EPHA5: variants seen among roughly 807,000 people sequenced by gnomAD.
EPHA5 encodes ephrin type-A receptor 5.
In EPHA5, 60 loss-of-function variants were observed where a neutral mutation model predicts 105.0. That is an observed-to-expected ratio of 0.57 (90% confidence interval 0.46 to 0.71). The LOEUF is 0.71. Among genes scored for constraint, EPHA5 ranks in the 30% least tolerant of loss-of-function variants. EPHA5 has a pLI of 0.00. For missense variants in EPHA5, 1,218 were observed against 1,274.7 expected (o/e 0.96, Z 0.68); for synonymous variants, 513 against 449.1 (o/e 1.14, Z -1.80).
chr4:65,617,765 G>A (rs376077940), intron 2 of EPHA5, among the ~76,000 whole-genome samples: 14 of 152,222 alleles, frequency 9.2e-5, no homozygotes, highest in African/African-American at 3.4e-4. Context: ...TTATAGTGAA[G>A]AGAATTGAAT....
chr4:65,468,805 C>A (rs1321352669), intron 5 of EPHA5, among the ~76,000 whole-genome samples: 1 of 150,638 alleles, frequency 6.6e-6, no homozygotes, highest in East Asian at 1.9e-4. Flanking sequence ...TGAACTAACA[C>A]AAAATTACAC....
chr4:65,396,676 A>G (rs1204492003), intron 8 of EPHA5, among the ~76,000 whole-genome samples: 1 of 152,210 alleles, frequency 6.6e-6, no homozygotes, highest in Non-Finnish European at 1.5e-5. Context: ...TATTCATGAT[A>G]GAACAGGGAT....
chr4:65,629,853 A>G (rs1382542673), intron 2 of EPHA5, among the ~76,000 whole-genome samples: 1 of 152,146 alleles, frequency 6.6e-6, no homozygotes, highest in African/African-American at 2.4e-5. Flanking sequence ...AGCCCATTAC[A>G]ATATTTCATT....
intron 2 of EPHA5, among the ~76,000 whole-genome samples, chr4:65,640,415 A>G (rs1326678568): frequency 6.6e-6 from 1 of 150,926 alleles, no homozygotes; most frequent in Non-Finnish European, 1.5e-5. Flanking sequence ...CCTCCCGAGT[A>G]GCTGGGACTA....
intron 8 of EPHA5, among the ~76,000 whole-genome samples, chr4:65,371,018 A>G (rs1435892682): frequency 6.6e-6 from 1 of 152,136 alleles, no homozygotes; most frequent in Non-Finnish European, 1.5e-5. Flanking sequence ...ATTTTAACCA[A>G]TCAGAAAAAC....
intron 1 of EPHA5, among the ~76,000 whole-genome samples, chr4:65,656,909 G>A (rs995995226): frequency 3.3e-5 from 5 of 149,482 alleles, no homozygotes; most frequent in African/African-American, 1.2e-4. Context: ...GTGATATTTT[G>A]GATATATTTG....
intron 3 of EPHA5, among the ~76,000 whole-genome samples, chr4:65,516,871 G>C (rs1324985739): frequency 6.6e-6 from 1 of 152,006 alleles, no homozygotes; most frequent in African/African-American, 2.4e-5. Flanking sequence ...GACAACAATT[G>C]TTAATAATTT....
chr4:65,627,699 A>T (rs192327278), intron 2 of EPHA5, among the ~76,000 whole-genome samples: 1 of 152,222 alleles, frequency 6.6e-6, no homozygotes, highest in Non-Finnish European at 1.5e-5. Flanking sequence ...GAAAAATAAA[A>T]ATTAGCAAAA....
chr4:65,510,209 T>TCA (rs1733476684), intron 3 of EPHA5, among the ~76,000 whole-genome samples: 4 of 146,336 alleles, frequency 2.7e-5, no homozygotes, highest in Non-Finnish European at 4.5e-5. Context: ...TAATTTTGTG[T>TCA]TTTTTTTTTT....
At chr4:65,669,502 C>G in intron 1 of EPHA5, 60 bp downstream of exon 1, 1 of 1,300,894 alleles carries the variant, frequency 7.7e-7, no homozygotes, top group Admixed American at 3.7e-5. Context: ...ACCTGAACTC[C>G]CAGGCCCCGC....
At chr4:65,550,116 G>A (rs1737754238) in intron 3 of EPHA5, among the ~76,000 whole-genome samples, 1 of 151,486 alleles carries the variant, frequency 6.6e-6, no homozygotes, top group African/African-American at 2.4e-5. Flanking sequence ...TACATTATTT[G>A]TTAAATAATA....
chr4:65,330,550 A>T, intron 16 of EPHA5: 1 of 437,034 alleles, frequency 2.3e-6, no homozygotes, highest in Non-Finnish European at 3.1e-6. Flanking sequence ...ATAACAAAAG[A>T]GACATTGTTT....
At chr4:65,665,708 G>A (rs1749909442) in intron 1 of EPHA5, among the ~76,000 whole-genome samples, 1 of 152,078 alleles carries the variant, frequency 6.6e-6, no homozygotes, top group Non-Finnish European at 1.5e-5. Context: ...TGTCTTATAT[G>A]AGTAAATGAA....
chr4:65,489,088 G>A (rs1291667749), intron 5 of EPHA5, among the ~76,000 whole-genome samples: 1 of 151,690 alleles, frequency 6.6e-6, no homozygotes, highest in Non-Finnish European at 1.5e-5. Context: ...TAGTAGAGAC[G>A]GGGTTTCACT....
intron 16 of EPHA5, among the ~76,000 whole-genome samples, chr4:65,326,028 TCTC>T (rs1184720739): frequency 2.7e-5 from 4 of 147,658 alleles, no homozygotes; most frequent in African/African-American, 9.9e-5. Flanking sequence ...TATATATATA[TCTC>T]ATATATATAT....
Position 65,367,343 on chromosome 4 carries a change from T to C in EPHA5, c.1861+14A>G. 6.2e-7 allele frequency: 1 copy of C among 1,605,518 alleles called. No homozygotes were observed. The highest frequency in any genetic ancestry group is 1.1e-5 in the South Asian group (1 of 90,864). On this transcript the variant is annotated intron_variant, in intron 9 of 16. Coordinates refer to ENST00000613740, the MANE Select transcript of EPHA5 (RefSeq NM_001281766.3). ...CCTATTTTATTCTATTTTTATTTTT[T>C]ACAATTTGCTTACTGTGCCCATTAT...
chr4:65,654,808 G>T, intron 1 of EPHA5, among the ~76,000 whole-genome samples: 3 of 145,630 alleles, frequency 2.1e-5, no homozygotes, highest in South Asian at 2.1e-4. Context: ...TCCTAAATTA[G>T]ATAGGATATA....
chr4:65,365,056 G>T lies in EPHA5; in HGVS notation c.2134C>A (p.His712Asn), dbSNP rs1717732273. 6.2e-7 allele frequency: 1 copy of T among 1,611,560 alleles called. No individual in the cohort carries two copies. Among genetic ancestry groups the T allele is most frequent in the Non-Finnish European group, 8.5e-7 (1 of 1,178,296 alleles). Residue 712 changes from histidine to asparagine, a missense_variant, in exon 11 of 17, where the codon CAT (histidine) becomes AAT (asparagine). By Grantham distance (68) the His-to-Asn change is moderately conservative. Transcript: ENST00000613740. ...GEASIMGQFD[H>N]PNIIHLEGVV... is the part of the protein sequence containing the mutation. Reference sequence around the variant, plus strand: ...CCTTCTAAATGGATGATGTTAGGATGATCAAACTGTCCCATGATACTTGCT... The same window carrying T: ...CCTTCTAAATGGATGATGTTAGGATTATCAAACTGTCCCATGATACTTGCT...
At chr4:65,515,576 T>C (rs1009948484) in intron 3 of EPHA5, among the ~76,000 whole-genome samples, 3 of 152,200 alleles carry the variant, frequency 2.0e-5, no homozygotes, top group African/African-American at 2.4e-5. Flanking sequence ...AAGTATTTTA[T>C]GGTTTTTTGT....
Sources: allele counts gnomAD v4.1 joint callset (sites outside exome capture counted in the v4.1 genomes callset), GRCh38; gene constraint gnomAD v4.1.1; transcripts MANE v1.5; gene names NCBI Gene and HGNC (gene_info 2026-07-23, HGNC 2026-07-21).